Variants in CAPN9 observed in about 807,000 individuals in gnomAD.
The protein encoded by CAPN9 is calpain-9.
A neutral mutation model predicts 92.8 loss-of-function variants in CAPN9; 81 were observed. That is an observed-to-expected ratio of 0.87 (90% confidence interval 0.73 to 1.05). The LOEUF (loss-of-function observed/expected upper bound fraction) is 1.05. CAPN9 is among the 50% of genes least tolerant of loss of function. The pLI is 0.00. For synonymous variants in CAPN9, 304 were observed against 328.0 expected, an observed-to-expected ratio of 0.93 and a Z score of 0.79; for missense variants, 848 against 866.2, an observed-to-expected ratio of 0.98 and a Z score of 0.26.
rs1054725754 is a variant in CAPN9 at position 230,750,555 on chromosome 1, G to T, written c.213+2846G>T. The stretch of plus-strand genomic sequence containing the variant: ...GAGTCGCAGGGAGCCGGGGGGTAGC[G>T]GGCCATAGGGAAATCACAAGCATTG... On this transcript the variant is annotated intron_variant, in intron 1 of 19. Transcript: ENST00000271971. Among the ~76,000 whole-genome samples, 3 of 152,140 alleles carry T rather than the reference G, an allele frequency of 2.0e-5. No individual in the cohort carries two copies. The South Asian group carries it at 6.2e-4, about 32-fold the overall frequency.
chr1:230,783,029 G>T (rs923470033), intron 11 of CAPN9, among the ~76,000 whole-genome samples: 4 of 152,086 alleles, frequency 2.6e-5, no homozygotes, highest in East Asian at 1.9e-4. Flanking sequence ...AAAAATGGTG[G>T]TTTTTTTGGT....
chr1:230,779,919 A>T (rs1266439607), intron 9 of CAPN9, among the ~76,000 whole-genome samples: 13 of 152,334 alleles, frequency 8.5e-5, no homozygotes, highest in South Asian at 8.3e-4. Context: ...AAGAAACTGC[A>T]TAGGAAATGG....
chr1:230,786,738 C>T (rs1667614698), intron 12 of CAPN9, among the ~76,000 whole-genome samples: 2 of 150,282 alleles, frequency 1.3e-5, no homozygotes, highest in Non-Finnish European at 3.0e-5. Flanking sequence ...AGAAGGCTGC[C>T]GCTTCTGAAG....
intron 11 of CAPN9, among the ~76,000 whole-genome samples, chr1:230,781,006 C>T (rs1250003279): frequency 6.6e-6 from 1 of 152,062 alleles, no homozygotes; most frequent in Non-Finnish European, 1.5e-5. Flanking sequence ...GCAAGGATTA[C>T]AGGCACCCAC....
At chr1:230,781,538 A>G (rs1335369856) in intron 11 of CAPN9, among the ~76,000 whole-genome samples, 1 of 152,214 alleles carries the variant, frequency 6.6e-6, no homozygotes. Flanking sequence ...ATTACTTTAT[A>G]TCAGTTACTT....
intron 19 of CAPN9, among the ~76,000 whole-genome samples, chr1:230,799,092 C>A (rs1026721225): frequency 1.3e-5 from 2 of 152,212 alleles, no homozygotes; most frequent in African/African-American, 4.8e-5. Flanking sequence ...AGCCAGGCAG[C>A]CTGTGGCTCC....
chr1:230,777,148 C>T (rs146141924), intron 8 of CAPN9, among the ~76,000 whole-genome samples: 2 of 152,232 alleles, frequency 1.3e-5, no homozygotes, highest in East Asian at 3.9e-4. Flanking sequence ...GAGGTAGAAA[C>T]CAGAGTTTGA....
Position 230,780,201 on chromosome 1 carries a change from A to C in CAPN9, c.1137A>C (p.Gln379His). ...CAGATACCTTTTGGACCAATCCACAAATAAAATTGTCTCTGACTGAGAAAG... is the reference window on the plus strand; with the variant it reads ...CAGATACCTTTTGGACCAATCCACACATAAAATTGTCTCTGACTGAGAAAG... ...NFLDTFWTNP[Q>H]IKLSLTEKDE... The change falls in exon 10 of 20, where the codon CAA (glutamine) becomes CAC (histidine). Residue 379 changes from glutamine (Q) to histidine (H), a missense_variant. Coordinates refer to ENST00000271971, the MANE Select transcript of CAPN9 (RefSeq NM_006615.3). 6.2e-7 allele frequency: 1 copy of C among 1,613,734 alleles called. No homozygotes were observed. Among genetic ancestry groups the C allele is most frequent in the Non-Finnish European group, 8.5e-7 (1 of 1,179,940 alleles).
In CAPN9 at chr1:230,787,548, G is replaced by A. The variant is rs767301126; in HGVS notation, c.1545G>A (p.Gln515=). 1 of 1,614,058 alleles carries A rather than the reference G, an allele frequency of 6.2e-7. No homozygotes were observed. The highest frequency in any genetic ancestry group is 8.5e-7 in the Non-Finnish European group (1 of 1,179,954). ...CTCCAAAGCCAACTCCACCTGACCA[G>A]GAGACAGAGGAGGAGCAGCGGTTTC... ...PEPPKPTPPD[Q]ETEEEQRFRA... Residue 515 remains glutamine (Q), a synonymous_variant, in exon 13 of 20, where the codon CAG becomes CAA. Transcript: ENST00000271971.
intron 1 of CAPN9, among the ~76,000 whole-genome samples, chr1:230,751,289 G>C (rs958002982): frequency 3.3e-5 from 5 of 152,186 alleles, no homozygotes; most frequent in African/African-American, 1.2e-4. Context: ...GGCCTCCACA[G>C]TGCTGGGCAC....
rs1667132663 is a variant in CAPN9 at position 230,780,354 on chromosome 1, TG to T, written c.1272+19del. The T allele has an allele frequency of 2.5e-6, 4 of 1,612,440 alleles. No homozygotes were observed. The highest frequency in any genetic ancestry group is 3.4e-6 in the Non-Finnish European group (4 of 1,179,018). On this transcript the variant is annotated intron_variant, in intron 10 of 19. Coordinates refer to ENST00000271971, the MANE Select transcript of CAPN9 (RefSeq NM_006615.3). ...TTTATGAGGTAGGTGGGAACCACAC[TG>T]CATTTCAGAGTTCTCCATCTGAGTT...
chr1:230,797,881 A>G (rs1291323522), intron 18 of CAPN9, among the ~76,000 whole-genome samples: 1 of 152,140 alleles, frequency 6.6e-6, no homozygotes, highest in Admixed American at 6.5e-5. Context: ...GAAGGTTAAG[A>G]TAGGGGCGTT....
At chr1:230,772,397 G>A (rs1485475604) in intron 7 of CAPN9, among the ~76,000 whole-genome samples, 8 of 152,204 alleles carry the variant, frequency 5.3e-5, no homozygotes, top group Non-Finnish European at 1.2e-4. Context: ...CAGTGATATG[G>A]TGAAAAGCTT....
At chr1:230,750,243 C>T (rs577666494) in intron 1 of CAPN9, among the ~76,000 whole-genome samples, 9 of 152,222 alleles carry the variant, frequency 5.9e-5, no homozygotes, top group Non-Finnish European at 8.8e-5. Flanking sequence ...TGTACCAGCC[C>T]TCTGTCCCTT....
chr1:230,767,005 G>C (rs190258299), intron 4 of CAPN9, among the ~76,000 whole-genome samples: 1 of 152,128 alleles, frequency 6.6e-6, no homozygotes, highest in African/African-American at 2.4e-5. Flanking sequence ...AAATCAAGCA[G>C]AGCACATATA....
intron 19 of CAPN9, 90 bp downstream of exon 19, chr1:230,798,310 A>T: frequency 1.2e-6 from 1 of 828,866 alleles, no homozygotes; most frequent in South Asian, 1.5e-5. Flanking sequence ...GCTTGATTTC[A>T]TGCAAGGGCT....
chr1:230,780,133 G>GT, intron 9 of CAPN9, 46 bp from the exon 10 acceptor site: 1 of 1,392,354 alleles, frequency 7.2e-7, no homozygotes, highest in Non-Finnish European at 1.0e-6. Context: ...GTCTTTGTGG[G>GT]TTGTTTTTTA....
chr1:230,757,043 A>C (rs1186502979), intron 2 of CAPN9, among the ~76,000 whole-genome samples: 1 of 129,206 alleles, frequency 7.7e-6, no homozygotes, highest in Non-Finnish European at 1.7e-5. Flanking sequence ...GAAGGAAGGA[A>C]GGAAGGAAGG....
At chr1:230,780,116 G>A in intron 9 of CAPN9, 63 bp from the exon 10 acceptor site, 2 of 853,866 alleles carry the variant, frequency 2.3e-6, no homozygotes, top group Non-Finnish European at 3.7e-6. Context: ...GTGTGTGTGT[G>A]TGTGTGGTCT....
Sources: allele counts gnomAD v4.1 joint callset (sites outside exome capture counted in the v4.1 genomes callset), GRCh38; gene constraint gnomAD v4.1.1; transcripts MANE v1.5; gene names NCBI Gene and HGNC (gene_info 2026-07-23, HGNC 2026-07-21).